DNAH7: variants seen among roughly 807,000 people sequenced by gnomAD.
The protein encoded by DNAH7 is axonemal beta dynein heavy chain 7.
DNAH7 carries 397 observed loss-of-function variants against 444.6 expected under a neutral mutation model. That is an observed-to-expected ratio of 0.89 (90% confidence interval 0.82 to 0.97). DNAH7 has a LOEUF of 0.97. Among genes scored for constraint, DNAH7 ranks in the 50% least tolerant of loss-of-function variants. The probability of loss-of-function intolerance (pLI) is 0.00; values close to 1 mark genes in which losing one functional copy is unlikely to be tolerated. For synonymous variants in DNAH7, 1,636 were observed against 1,624.4 expected (o/e 1.01, Z -0.17); for missense variants, 4,902 against 4,800.8 (o/e 1.02, Z -0.62).
At chr2:195,994,212 T>A (rs539238276) in intron 12 of DNAH7, 1 of 254,882 alleles carries the variant, frequency 3.9e-6, no homozygotes, top group South Asian at 6.1e-5. Context: ...GATAAAAAAT[T>A]ATTGATTTGT....
At chr2:195,782,762 T>C (rs943359337) in intron 58 of DNAH7, among the ~76,000 whole-genome samples, 3 of 152,214 alleles carry the variant, frequency 2.0e-5, no homozygotes, top group Non-Finnish European at 2.9e-5. Context: ...CTTTATTTAC[T>C]CAGCTTGCTC....
intron 47 of DNAH7, among the ~76,000 whole-genome samples, chr2:195,835,941 G>A (rs1257805039): frequency 6.6e-6 from 1 of 152,144 alleles, no homozygotes; most frequent in East Asian, 1.9e-4. Context: ...GTGTCACTCT[G>A]GCTGCCATAA....
chr2:195,991,727 A>AC (rs1296819679), intron 12 of DNAH7, among the ~76,000 whole-genome samples: 1 of 152,192 alleles, frequency 6.6e-6, no homozygotes, highest in Non-Finnish European at 1.5e-5. Context: ...CATAATTCGC[A>AC]CACTTGTAAC....
chr2:195,888,958 A>T lies in DNAH7; in HGVS notation c.5070T>A (p.Ile1690=). The change falls in exon 32 of 65, where the codon ATT becomes ATA. Residue 1690 remains isoleucine, a synonymous_variant. Coordinates refer to ENST00000312428, the MANE Select transcript of DNAH7 (RefSeq NM_018897.3). ...SSVTPDRKWL[I]FDGPVDAVWI... is the part of the protein sequence containing the mutation. ...ACACTGCATCTACTGGGCCATCAAA[A>T]ATTAACCATTTCCTATCTGGAGTCT... 1.2e-6 allele frequency: 2 copies of T among 1,612,944 alleles called. No homozygotes were observed. The highest frequency in any genetic ancestry group is 1.1e-5 in the South Asian group (1 of 90,536).
Position 195,934,651 on chromosome 2 carries a change from T to G in DNAH7, c.3411A>C (p.Arg1137Ser). The G allele has an allele frequency of 6.2e-7, 1 of 1,614,134 alleles. No individual in the cohort carries two copies. The highest frequency in any genetic ancestry group is 8.5e-7 in the Non-Finnish European group (1 of 1,179,990). ...LIEIISTAKA[R>S]GQVEKWLVEL... is the part of the protein sequence containing the mutation. ...CAACCAACCACTTCTCCACTTGACC[T>G]CTGGCTTTGGCTGTTGAAATAATCT... is the stretch of plus-strand genomic sequence containing the variant. Residue 1137 changes from arginine to serine, a missense_variant, in exon 21 of 65, where the codon AGA becomes AGC. Physicochemically the swap from Arg to Ser is moderately radical, Grantham distance 110. Transcript: ENST00000312428.
chr2:196,056,932 G>A (rs898803905), intron 2 of DNAH7, among the ~76,000 whole-genome samples: 10 of 152,150 alleles, frequency 6.6e-5, no homozygotes, highest in African/African-American at 2.2e-4. Flanking sequence ...AGACTTGTGG[G>A]AGGGATATGA....
chr2:195,858,404 A>G, intron 43 of DNAH7, 70 bp downstream of exon 43: 1 of 1,297,166 alleles, frequency 7.7e-7, no homozygotes, highest in Non-Finnish European at 1.0e-6. Flanking sequence ...ACTAGACTAG[A>G]ACACAATGCT....
chr2:195,966,987 C>T (rs558795675), intron 17 of DNAH7, among the ~76,000 whole-genome samples: 1 of 151,986 alleles, frequency 6.6e-6, no homozygotes, highest in African/African-American at 2.4e-5. Context: ...GTTACTTCTG[C>T]CATTTTGTTT....
At chr2:196,058,405 A>G (rs1697942997) in intron 1 of DNAH7, among the ~76,000 whole-genome samples, 2 of 152,232 alleles carry the variant, frequency 1.3e-5, no homozygotes, top group Non-Finnish European at 2.9e-5. Context: ...TCCCAATTCC[A>G]CAGGGAGAGG....
chr2:195,830,308 G>GAT (rs1697999908), intron 48 of DNAH7, among the ~76,000 whole-genome samples: 1 of 152,122 alleles, frequency 6.6e-6, no homozygotes, highest in Admixed American at 6.5e-5. Flanking sequence ...AAAACAAACA[G>GAT]TTATCCTTAG....
intron 19 of DNAH7, among the ~76,000 whole-genome samples, chr2:195,955,346 A>G (rs895221974): frequency 8.6e-5 from 13 of 151,936 alleles, no homozygotes; most frequent in Admixed American, 1.3e-4. Flanking sequence ...GACGTGTGGT[A>G]TTATTTCTGA....
intron 24 of DNAH7, among the ~76,000 whole-genome samples, chr2:195,920,538 C>T (rs1008227059): frequency 6.6e-6 from 1 of 152,138 alleles, no homozygotes; most frequent in Non-Finnish European, 1.5e-5. Flanking sequence ...GAAACTGGAT[C>T]CTCAGCTCTC....
rs1337592484 is a variant in DNAH7, at chr2:195,876,544, C to T, written c.6117G>A (p.Met2039Ile). Residue 2039 changes from methionine (M) to isoleucine (I), a missense_variant and splice_region_variant, in exon 37 of 65, where the codon ATG (methionine) becomes ATA (isoleucine). Met to Ile is a conservative substitution (Grantham distance 10). Coordinates refer to ENST00000312428, the MANE Select transcript of DNAH7 (RefSeq NM_018897.3). ...CGGGTACTGTACAAAGAGTCATTAC[C>T]ATTCTCTTGCCCAAAGGAGGACCAA... ...GVFGPPLGKR[M>I]VVFVDDVNMP... is the part of the protein sequence containing the mutation. 1 of 1,613,416 alleles carries T rather than the reference C, an allele frequency of 6.2e-7. No individual in the cohort carries two copies. Among genetic ancestry groups the T allele is most frequent in the East Asian group, 2.2e-5 (1 of 44,854 alleles).
chr2:195,872,185 C>T, intron 40 of DNAH7, 65 bp downstream of exon 40: 25 of 1,236,020 alleles, frequency 2.0e-5, no homozygotes, highest in East Asian at 7.2e-5. Flanking sequence ...TTCTTTTTAC[C>T]CAGTTGTTGG....
intron 21 of DNAH7, among the ~76,000 whole-genome samples, chr2:195,929,709 T>C (rs1316854108): frequency 1.3e-5 from 2 of 152,198 alleles, no homozygotes; most frequent in Admixed American, 1.3e-4. Flanking sequence ...TTTCATCATA[T>C]ACAAAAATTA....
At chr2:196,022,380 ACTT>A (rs1695436449) in intron 8 of DNAH7, among the ~76,000 whole-genome samples, 1 of 152,184 alleles carries the variant, frequency 6.6e-6, no homozygotes, top group African/African-American at 2.4e-5. Context: ...CCCAACTAGA[ACTT>A]CTTTCAAAAT....
intron 24 of DNAH7, among the ~76,000 whole-genome samples, chr2:195,920,235 A>G (rs542534896): frequency 1.2e-4 from 19 of 152,322 alleles, no homozygotes; most frequent in Non-Finnish European, 2.2e-4. Flanking sequence ...TGGAAGCAAA[A>G]AAGAGCCTGC....
In DNAH7 at chr2:195,960,913, A is replaced by T. The variant is rs754141515; in HGVS notation, c.2238T>A (p.Phe746Leu). The part of the protein sequence containing the change: ...IEQFNAEEEA[F>L]GWLPSVYPQR... The stretch of plus-strand genomic sequence containing the variant: ...GAGGATATACAGATGGTAGCCAACC[A>T]AATGCTTCCTCTTCAGCATTAAACT... Residue 746 changes from phenylalanine to leucine, a missense_variant, in exon 18 of 65, where the codon TTT becomes TTA. By Grantham distance (22) the Phe-to-Leu change is conservative. Transcript: ENST00000312428. 3.1e-6 allele frequency: 5 copies of T among 1,606,532 alleles called. No individual in the cohort carries two copies. The highest frequency in any genetic ancestry group is 4.3e-6 in the Non-Finnish European group (5 of 1,175,102).
At chr2:195,744,123 G>A (rs529781315) in intron 63 of DNAH7, among the ~76,000 whole-genome samples, 47 of 152,352 alleles carry the variant, frequency 3.1e-4, no homozygotes, top group African/African-American at 1.1e-3. Context: ...AGAAAGGGGT[G>A]ACAGACACCA....
Sources: gnomAD v4.1 joint callset for allele counts (sites outside exome capture counted in the v4.1 genomes callset) on GRCh38, gnomAD v4.1.1 for gene constraint, MANE v1.5 for transcripts, NCBI Gene and HGNC (gene_info 2026-07-23, HGNC 2026-07-21) for gene names.